The following AGBL1 variants were observed in gnomAD, a reference collection of about 807,000 sequenced individuals.
AGBL1 encodes the protein AGBL carboxypeptidase 1.
A neutral mutation model predicts 118.9 loss-of-function variants in AGBL1; 130 were observed. That is an observed-to-expected ratio of 1.09 (90% CI 0.95 to 1.26). The LOEUF (loss-of-function observed/expected upper bound fraction) is 1.26. AGBL1 is among the 50% of genes most tolerant of loss of function. AGBL1 has a pLI of 0.00. For missense variants in AGBL1, 1,584 were observed against 1,298.1 expected (o/e 1.22, Z -3.38); for synonymous variants, 555 against 478.9 (o/e 1.16, Z -2.08).
At chr15:86,166,877 G>A (rs758719824) in intron 5 of AGBL1, among the ~76,000 whole-genome samples, 3 of 152,090 alleles carry the variant, frequency 2.0e-5, no homozygotes, top group Non-Finnish European at 2.9e-5. Flanking sequence ...GGCCTTACAT[G>A]CACCACTTTC....
At chr15:86,970,427 C>A (rs953589520) in intron 23 of AGBL1, among the ~76,000 whole-genome samples, 3 of 151,884 alleles carry the variant, frequency 2.0e-5, no homozygotes, top group African/African-American at 7.2e-5. Flanking sequence ...ATTCCATTTA[C>A]ATTTATTTTC....
intron 22 of AGBL1, among the ~76,000 whole-genome samples, chr15:86,689,214 G>T (rs1283909766): frequency 6.6e-6 from 1 of 152,096 alleles, no homozygotes; most frequent in Admixed American, 6.6e-5. Flanking sequence ...TGGTTGCATA[G>T]CTGGCTCCTC....
chr15:86,914,289 G>A lies in AGBL1; in HGVS notation c.*6995G>A, dbSNP rs1372446641. 3 of 152,176 alleles carry A rather than the reference G, an allele frequency of 2.0e-5. No individual in the cohort carries two copies. The highest frequency in any genetic ancestry group is 7.2e-5 in the African/African-American group (3 of 41,438). The allele number at this position is 152,176 out of a possible 1,614,324, so 9.4% of individuals were successfully genotyped here. Reference sequence around the variant, plus strand: ...GAAGTTATTTTGGGAGGTATTAGAGGAGGAAAAATCTGCCTGTGTTTCTGC... The same window carrying A: ...GAAGTTATTTTGGGAGGTATTAGAGAAGGAAAAATCTGCCTGTGTTTCTGC... On this transcript the variant is annotated 3_prime_UTR_variant, in exon 23 of 23. Transcript: ENST00000614907.
At chr15:86,197,830 G>A (rs1408864818) in intron 5 of AGBL1, among the ~76,000 whole-genome samples, 54 of 151,920 alleles carry the variant, frequency 3.6e-4, no homozygotes, top group Non-Finnish European at 7.4e-5. Flanking sequence ...AAGAAAGACT[G>A]TCAGATTCTT....
chr15:86,567,921 G>T (rs189269265), intron 21 of AGBL1, among the ~76,000 whole-genome samples: 1 of 152,090 alleles, frequency 6.6e-6, no homozygotes, highest in Non-Finnish European at 1.5e-5. Flanking sequence ...ACTGAGGCAG[G>T]ATAGTCAGAC....
chr15:86,458,966 G>A (rs941514741), intron 18 of AGBL1, among the ~76,000 whole-genome samples: 2 of 152,120 alleles, frequency 1.3e-5, no homozygotes, highest in Admixed American at 1.3e-4. Flanking sequence ...AATTACTAAC[G>A]TATCACTGTA....
At chr15:86,208,168 G>T (rs538367171) in intron 5 of AGBL1, among the ~76,000 whole-genome samples, 1 of 152,298 alleles carries the variant, frequency 6.6e-6, no homozygotes, top group East Asian at 1.9e-4. Context: ...CAGGAATGAA[G>T]CCTACTTGAT....
intron 18 of AGBL1, among the ~76,000 whole-genome samples, chr15:86,488,596 C>A (rs1259961353): frequency 6.6e-6 from 1 of 152,080 alleles, no homozygotes; most frequent in East Asian, 1.9e-4. Flanking sequence ...TGATTGGGAG[C>A]AGAGCCTCTT....
At chr15:86,801,116 G>A (rs2078642699) in intron 22 of AGBL1, among the ~76,000 whole-genome samples, 1 of 151,968 alleles carries the variant, frequency 6.6e-6, no homozygotes. Flanking sequence ...TCCTCAAAAT[G>A]ATCCTTACAT....
chr15:86,928,536 C>T (rs1200183337), intron 23 of AGBL1, among the ~76,000 whole-genome samples: 1 of 152,224 alleles, frequency 6.6e-6, no homozygotes, highest in African/African-American at 2.4e-5. Context: ...GCTCTTTCCA[C>T]TGCACTATCA....
chr15:86,962,614 T>G lies in AGBL1; in HGVS notation c.3222-25373T>G, dbSNP rs192310032. Reference sequence around the variant, plus strand: ...GATGCAGAGTAAATAAATTTCAGGTTATGCAGGACATACCATTGAATATAA... The same window carrying G: ...GATGCAGAGTAAATAAATTTCAGGTGATGCAGGACATACCATTGAATATAA... On this transcript the variant is annotated intron_variant, in intron 23 of 24. Transcript: ENST00000441037. Among the ~76,000 whole-genome samples, 4 of 152,218 alleles carry G rather than the reference T, an allele frequency of 2.6e-5. No individual in the cohort carries two copies. The East Asian group carries it at 5.8e-4, about 22-fold the overall frequency.
rs543406220 is a variant in AGBL1 at position 86,666,743 on chromosome 15, G to A, written c.2995-7530G>A. On this transcript the variant is annotated intron_variant, in intron 21 of 22. Coordinates refer to ENST00000614907, the MANE Select transcript of AGBL1 (RefSeq NM_001386094.1). The stretch of plus-strand genomic sequence containing the variant: ...ATCTCAATTTATATATTAATTCACT[G>A]AATTATCTCAGCAACTCCATGAATT... 1.4e-4 allele frequency among the ~76,000 whole-genome samples: 21 copies of A among 152,194 alleles called. No individual in the cohort carries two copies. In the East Asian group the frequency reaches 4.1e-3, roughly 29 times the overall value.
At chr15:86,478,969 G>C (rs2082604693) in intron 18 of AGBL1, among the ~76,000 whole-genome samples, 1 of 152,060 alleles carries the variant, frequency 6.6e-6, no homozygotes. Flanking sequence ...CCTGACAAAA[G>C]CAAGAAATGG....
intron 17 of AGBL1, among the ~76,000 whole-genome samples, chr15:86,342,434 G>T (rs2080475054): frequency 6.6e-6 from 1 of 152,150 alleles, no homozygotes; most frequent in Admixed American, 6.5e-5. Flanking sequence ...AATTAATGAA[G>T]GAGGTAAAGA....
intron 21 of AGBL1, among the ~76,000 whole-genome samples, chr15:86,623,282 C>T (rs933711752): frequency 6.6e-6 from 1 of 152,252 alleles, no homozygotes; most frequent in Admixed American, 6.5e-5. Flanking sequence ...TCATGTAGAG[C>T]CTGGTTGGCC....
At chr15:86,935,781 A>G (rs947904276) in intron 23 of AGBL1, among the ~76,000 whole-genome samples, 2 of 152,232 alleles carry the variant, frequency 1.3e-5, no homozygotes, top group African/African-American at 4.8e-5. Context: ...GCTGGAAAAC[A>G]GGGGAACTCA....
In AGBL1 at chr15:86,944,502, T is replaced by C. The variant is rs573637126; in HGVS notation, c.3222-43485T>C. Among the ~76,000 whole-genome samples, 113 of 152,198 alleles carry C rather than the reference T, an allele frequency of 7.4e-4. 1 individual carries two copies. The highest frequency in any genetic ancestry group is 6.4e-3 in the South Asian group (31 of 4,816). ...AGTTAGGGGACCAATTCAAAGTCAG[T>C]CCTGATGATAGAGAGACAGAACATT... On this transcript the variant is annotated intron_variant, in intron 23 of 24. Coordinates refer to the AGBL1 transcript ENST00000441037.
intron 1 of AGBL1, among the ~76,000 whole-genome samples, chr15:86,101,743 A>C (rs2141500582): frequency 6.6e-6 from 1 of 151,402 alleles, no homozygotes; most frequent in African/African-American, 2.4e-5. Flanking sequence ...CTATCCCCTG[A>C]CTTTCACCTA....
In AGBL1 at chr15:86,442,564, T is replaced by C. The variant is rs541985796; in HGVS notation, c.2555+45018T>C. ...ATAAAAGATCATTTTAGATCTGTCATTGTTGGTAAGCCGCTTTCTCTTCCT... is the reference window on the plus strand; with the variant it reads ...ATAAAAGATCATTTTAGATCTGTCACTGTTGGTAAGCCGCTTTCTCTTCCT... On this transcript the variant is annotated intron_variant, in intron 18 of 22. Coordinates refer to ENST00000614907, the MANE Select transcript of AGBL1 (RefSeq NM_001386094.1). Among the ~76,000 whole-genome samples, 47 of 152,344 alleles carry C rather than the reference T, an allele frequency of 3.1e-4. 1 individual carries two copies. The highest frequency in any genetic ancestry group is 5.6e-4 in the Non-Finnish European group (38 of 68,038).
Sources: allele counts gnomAD v4.1 joint callset (sites outside exome capture counted in the v4.1 genomes callset), GRCh38; gene constraint gnomAD v4.1.1; transcripts MANE v1.5; gene names NCBI Gene and HGNC (gene_info 2026-07-23, HGNC 2026-07-21).